The following FAT4 variants were observed in gnomAD, a reference collection of about 807,000 sequenced individuals.
FAT4 encodes the protein FAT atypical cadherin 4, also known as protocadherin Fat 4.
FAT4 carries 84 observed loss-of-function variants against 303.9 expected under a neutral mutation model. That is an observed-to-expected ratio of 0.28 (90% CI 0.23 to 0.33). The LOEUF is 0.33. Ranked by LOEUF, FAT4 falls within the 10% of genes least tolerant of loss-of-function variation. The pLI is 1.00. For synonymous variants in FAT4, 2,307 were observed against 2,298.8 expected (o/e 1.00, Z -0.10); for missense variants, 6,005 against 6,146.8 (o/e 0.98, Z 0.77).
chr4:125,470,065 AATC>A (rs1401565569), intron 12 of FAT4, among the ~76,000 whole-genome samples: 1 of 152,186 alleles, frequency 6.6e-6, no homozygotes, highest in Non-Finnish European at 1.5e-5. Context: ...AAACAACACT[AATC>A]TCCTTATACA....
chr4:125,399,921 A>G (rs1170490082), intron 3 of FAT4, among the ~76,000 whole-genome samples: 2 of 151,852 alleles, frequency 1.3e-5, no homozygotes, highest in East Asian at 1.9e-4. Flanking sequence ...TAATATTTCT[A>G]TTGTTGATAG....
intron 2 of FAT4, among the ~76,000 whole-genome samples, chr4:125,366,475 A>C (rs1267255482): frequency 6.6e-6 from 1 of 151,930 alleles, no homozygotes; most frequent in Non-Finnish European, 1.5e-5. Context: ...TGTATGTACT[A>C]TATATATATT....
In FAT4 at chr4:125,452,503, C is replaced by G. The variant is rs751662027; in HGVS notation, c.11493C>G (p.Ser3831Arg). Residue 3831 changes from serine to arginine, a missense_variant, in exon 10 of 18, where the codon AGC becomes AGG. Ser to Arg is a moderately radical substitution (Grantham distance 110). Transcript: ENST00000394329. ...RRLAVSSVLKSRESLPVIIVA... is the reference protein window; with the variant it reads ...RRLAVSSVLKRRESLPVIIVA... Reference sequence around the variant, plus strand: ...TGGCTGTGAGCTCCGTATTAAAAAGCCGTGAGAGTCTTCCAGTCATCATCG... The same window carrying G: ...TGGCTGTGAGCTCCGTATTAAAAAGGCGTGAGAGTCTTCCAGTCATCATCG... 6.2e-7 allele frequency: 1 copy of G among 1,613,996 alleles called. No homozygotes were observed. Among genetic ancestry groups the G allele is most frequent in the Non-Finnish European group, 8.5e-7 (1 of 1,180,022 alleles).
chr4:125,367,604 A>G (rs1460744207), intron 2 of FAT4, among the ~76,000 whole-genome samples: 2 of 152,220 alleles, frequency 1.3e-5, no homozygotes, highest in African/African-American at 2.4e-5. Flanking sequence ...GGGGGAAAAA[A>G]TAACATACTC....
intron 14 of FAT4, among the ~76,000 whole-genome samples, chr4:125,478,843 A>G (rs77531977): frequency 0.26 from 39,913 of 151,968 alleles, 6,083 homozygotes; most frequent in East Asian, 0.59. Context: ...TGGTTTTTAA[A>G]ACATAAGTCA....
chr4:125,328,696 G>A (rs1731257512), intron 2 of FAT4, among the ~76,000 whole-genome samples: 1 of 152,102 alleles, frequency 6.6e-6, no homozygotes, highest in Non-Finnish European at 1.5e-5. Flanking sequence ...GTCTTGCCAG[G>A]TGCTGTCTTG....
intron 2 of FAT4, among the ~76,000 whole-genome samples, chr4:125,384,465 G>A (rs1216302350): frequency 6.6e-6 from 1 of 151,850 alleles, no homozygotes; most frequent in Admixed American, 6.6e-5. Context: ...TTTCTTTGGA[G>A]GATTGTATAT....
chr4:125,427,322 C>T (rs185261424), intron 7 of FAT4, among the ~76,000 whole-genome samples: 7 of 151,700 alleles, frequency 4.6e-5, no homozygotes, highest in East Asian at 1.9e-4. Context: ...CATAACTTTA[C>T]TAAAGTAATT....
intron 11 of FAT4, among the ~76,000 whole-genome samples, chr4:125,466,367 TTCA>T (rs1319202852): frequency 6.6e-6 from 1 of 152,000 alleles, no homozygotes; most frequent in Non-Finnish European, 1.5e-5. Context: ...CACTCAAATA[TTCA>T]GCACATTGTT....
chr4:125,386,224 A>G (rs1733743537), intron 2 of FAT4, among the ~76,000 whole-genome samples: 1 of 152,138 alleles, frequency 6.6e-6, no homozygotes, highest in Non-Finnish European at 1.5e-5. Flanking sequence ...ACTGATCTAA[A>G]TGTTTCACTG....
Position 125,490,811 on chromosome 4 carries a change from C to T in FAT4, c.13995C>T (p.Ser4665=). Residue 4665 remains serine, a synonymous_variant, in exon 18 of 18, where the codon TCC becomes TCT. Coordinates refer to ENST00000394329, the MANE Select transcript of FAT4 (RefSeq NM_001291303.3). ...GTCCCCTAGGCTTTGCAAGGCAATC[C>T]CCCATGCCCTTAGGAGCAAGCAGTT... is the stretch of plus-strand genomic sequence containing the variant. ...RHSPLGFARQ[S]PMPLGASSLT... 1 of 1,614,082 alleles carries T rather than the reference C, an allele frequency of 6.2e-7. No homozygotes were observed. The highest frequency in any genetic ancestry group is 8.5e-7 in the Non-Finnish European group (1 of 1,180,020).
chr4:125,401,178 G>A (rs746500611), intron 3 of FAT4, among the ~76,000 whole-genome samples: 2 of 151,898 alleles, frequency 1.3e-5, no homozygotes, highest in Admixed American at 6.6e-5. Flanking sequence ...ATTTAATAAC[G>A]TTTTAATAAC....
chr4:125,456,762 T>G lies in FAT4; in HGVS notation c.11800+3952T>G, dbSNP rs139893263. On this transcript the variant is annotated intron_variant, in intron 10 of 17. Coordinates refer to ENST00000394329, the MANE Select transcript of FAT4 (RefSeq NM_001291303.3). ...GACAGAGCTAATATACCAAAACATC[T>G]TAACATCTAACCTAGTCAGAGCTAA... 4.9e-3 allele frequency among the ~76,000 whole-genome samples: 747 copies of G among 152,280 alleles called. 6 individuals are homozygous for G. The highest frequency in any genetic ancestry group is 0.017 in the African/African-American group (706 of 41,570).
chr4:125,397,764 T>C (rs576679436), intron 2 of FAT4, among the ~76,000 whole-genome samples: 38 of 152,304 alleles, frequency 2.5e-4, no homozygotes, highest in African/African-American at 9.1e-4. Context: ...CCATTCTTCC[T>C]GGGAAAGGAG....
chr4:125,414,838 C>T (rs1231362513), intron 5 of FAT4, 46 bp from the exon 6 acceptor site: 1 of 1,322,294 alleles, frequency 7.6e-7, no homozygotes, highest in Admixed American at 2.1e-5. Flanking sequence ...GCTTGTTCTG[C>T]AATCAGCATA....
rs369059252 is a variant in FAT4 at position 125,316,471 on chromosome 4, A to G, written c.60A>G (p.Ser20=). Residue 20 remains serine, a synonymous_variant, in exon 2 of 18, where the codon TCA becomes TCG. Coordinates refer to ENST00000394329, the MANE Select transcript of FAT4 (RefSeq NM_001291303.3). This position sits in a 1 kb window ranked among gnomAD's most constrained non-coding sequence, Gnocchi z 5.7. Reference sequence around the variant, plus strand: ...CGTGGCTCCCGTTGCACACTCTATCAGTATCTCAGCTCCTTCGAGTGTTTT... The same window carrying G: ...CGTGGCTCCCGTTGCACACTCTATCGGTATCTCAGCTCCTTCGAGTGTTTT... The part of the protein sequence containing the change: ...GRPWLPLHTL[S]VSQLLRVFWL... 5.6e-5 allele frequency: 91 copies of G among 1,613,722 alleles called. No homozygotes were observed. The highest frequency in any genetic ancestry group is 7.2e-5 in the Non-Finnish European group (85 of 1,180,030).
chr4:125,400,189 A>G (rs1445533676), intron 3 of FAT4, among the ~76,000 whole-genome samples: 1 of 151,986 alleles, frequency 6.6e-6, no homozygotes, highest in Non-Finnish European at 1.5e-5. Flanking sequence ...TATTCTAATC[A>G]CTTTAAAAGA....
intron 9 of FAT4, among the ~76,000 whole-genome samples, chr4:125,447,229 A>G (rs1578653116): frequency 6.6e-6 from 1 of 152,152 alleles, no homozygotes; most frequent in African/African-American, 2.4e-5. Context: ...TTTAATTTTT[A>G]AAATGAGTTT....
intron 2 of FAT4, among the ~76,000 whole-genome samples, chr4:125,379,731 A>G (rs1733467691): frequency 6.6e-6 from 1 of 151,928 alleles, no homozygotes; most frequent in South Asian, 2.1e-4. Context: ...AAGTGCTTGG[A>G]TTACAGGTAT....
Sources: gnomAD v4.1 joint callset for allele counts (sites outside exome capture counted in the v4.1 genomes callset) on GRCh38, gnomAD v4.1.1 for gene constraint, Gnocchi (gnomAD v3.1) non-coding constraint, MANE v1.5 for transcripts, NCBI Gene and HGNC (gene_info 2026-07-23, HGNC 2026-07-21) for gene names.